The following CEACAM16 variants were observed in gnomAD, a reference collection of about 807,000 sequenced individuals.
CEACAM16 encodes CEA cell adhesion molecule 16, tectorial membrane component.
In CEACAM16, 30 loss-of-function variants were observed where a neutral mutation model predicts 39.4. That is an observed-to-expected ratio of 0.76 (90% CI 0.57 to 1.03). CEACAM16 has a LOEUF of 1.03. Ranked by LOEUF, CEACAM16 falls within the 50% of genes least tolerant of loss-of-function variation. CEACAM16 has a pLI of 0.00. For missense variants in CEACAM16, 521 were observed against 585.3 expected, an observed-to-expected ratio of 0.89 and a Z score of 1.13; for synonymous variants, 262 against 264.9, an observed-to-expected ratio of 0.99 and a Z score of 0.11.
rs545548495 is a variant in CEACAM16, at chr19:44,704,393, T to A, written c.661+97T>A. 53 of 1,385,482 alleles carry A rather than the reference T, an allele frequency of 3.8e-5. 1 individual carries two copies. In the East Asian group the frequency reaches 1.2e-3, roughly 31 times the overall value. The allele number at this position is 1,385,482 out of a possible 1,614,324, so 85.8% of individuals were successfully genotyped here. ...AGGGGGCCTAAGGGCACACAGCGAG[T>A]CAGCAGGCAAGCTGGGATTGGGGAC... On this transcript the variant is annotated intron_variant, in intron 4 of 6. Coordinates refer to ENST00000587331, the MANE Select transcript of CEACAM16 (RefSeq NM_001039213.4).
At chr19:44,709,930 C>G (rs1183704518) in intron 6 of CEACAM16, among the ~76,000 whole-genome samples, 16 of 152,252 alleles carry the variant, frequency 1.1e-4, no homozygotes, top group Non-Finnish European at 2.2e-4. Context: ...CTCCCAGAGT[C>G]AGGGTCCATG....
At position 44,705,735 on chromosome 19, in the gene CEACAM16, G is replaced by A; in HGVS notation, c.807G>A (p.Gln269=). The A allele has an allele frequency of 6.2e-7, 1 of 1,614,056 alleles. No homozygotes were observed. Among genetic ancestry groups the A allele is most frequent in the South Asian group, 1.1e-5 (1 of 91,090 alleles). ...AGTATGTGTGGACCTTCAACGGGCA[G>A]GCCCTAAAGAACGGCCAAGACCACC... ...EPEYVWTFNG[Q]ALKNGQDHLN... is the part of the protein sequence containing the mutation. Residue 269 remains glutamine, a synonymous_variant, in exon 5 of 7, where the codon CAG becomes CAA. Transcript: ENST00000587331.
At chr19:44,709,767 A>T (rs1375666139) in intron 6 of CEACAM16, among the ~76,000 whole-genome samples, 6 of 114,250 alleles carry the variant, frequency 5.3e-5, no homozygotes, top group African/African-American at 1.0e-4. Context: ...AGAGTCAGGG[A>T]CCATGTCTCC....
Position 44,703,709 on chromosome 19 carries a change from A to G in CEACAM16, c.382+16A>G. On this transcript the variant is annotated intron_variant, in intron 3 of 6. Transcript: ENST00000587331. ...CAGGTCCATGGTGAGACACCCCCCA[A>G]CACCCGCCTCTGCCCCAGCTGGGCC... The G allele has an allele frequency of 6.8e-7, 1 of 1,471,664 alleles. No individual in the cohort carries two copies. The highest frequency in any genetic ancestry group is 9.1e-7 in the Non-Finnish European group (1 of 1,102,854). The allele number at this position is 1,471,664 out of a possible 1,614,324, so 91.2% of individuals were successfully genotyped here.
At chr19:44,704,647 C>T (rs899145184) in intron 4 of CEACAM16, among the ~76,000 whole-genome samples, 1 of 152,056 alleles carries the variant, frequency 6.6e-6, no homozygotes, top group Non-Finnish European at 1.5e-5. Context: ...TGGGAGGATT[C>T]CTTGAGCCCC....
At position 44,705,627 on chromosome 19, in the gene CEACAM16, C is replaced by T. The variant is rs569597202; in HGVS notation, c.699C>T (p.Thr233=). 2.9e-5 allele frequency: 46 copies of T among 1,609,874 alleles called. 2 individuals are homozygous for T. The South Asian group carries it at 4.8e-4, about 17-fold the overall frequency. The part of the protein sequence containing the change: ...PERVAILQDS[T]TRTGCTIKVD... ...GTGTGGCCATCCTCCAGGATTCCAC[C>T]ACCCGCACAGGCTGCACCATCAAAG... Residue 233 remains threonine, a synonymous_variant, in exon 5 of 7, where the codon ACC becomes ACT. Coordinates refer to ENST00000587331, the MANE Select transcript of CEACAM16 (RefSeq NM_001039213.4).
At position 44,703,534 on chromosome 19, in the gene CEACAM16, G is replaced by A; in HGVS notation, c.223G>A (p.Glu75Lys). The change falls in exon 3 of 7, where the codon GAG (glutamate) becomes AAG (lysine). Residue 75 changes from glutamate (E) to lysine (K), a missense_variant. Physicochemically the swap from Glu to Lys is moderately conservative, Grantham distance 56 (BLOSUM62 1). Transcript: ENST00000587331. ...VASYIVSTGD[E>K]TPGPAHTGRE... Reference sequence around the variant, plus strand: ...CAGCTACATCGTGAGCACAGGCGATGAGACTCCTGGCCCGGCCCACACGGG... The same window carrying A: ...CAGCTACATCGTGAGCACAGGCGATAAGACTCCTGGCCCGGCCCACACGGG... The A allele has an allele frequency of 6.2e-7, 1 of 1,613,538 alleles. No individual in the cohort carries two copies. Among genetic ancestry groups the A allele is most frequent in the Middle Eastern group, 1.6e-4 (1 of 6,062 alleles).
chr19:44,704,968 T>C (rs767448005), intron 4 of CEACAM16, among the ~76,000 whole-genome samples: 2 of 152,090 alleles, frequency 1.3e-5, no homozygotes, highest in Admixed American at 6.6e-5. Context: ...CATGCAGTCG[T>C]TCCCAGGAGC....
At chr19:44,709,192 C>T (rs1308201391) in intron 6 of CEACAM16, among the ~76,000 whole-genome samples, 1 of 151,740 alleles carries the variant, frequency 6.6e-6, no homozygotes, top group Non-Finnish European at 1.5e-5. Flanking sequence ...ATGTCTCCTC[C>T]ATCAGACTGG....
At chr19:44,710,155 C>T (rs1010747110) in intron 6 of CEACAM16, among the ~76,000 whole-genome samples, 1 of 152,224 alleles carries the variant, frequency 6.6e-6, no homozygotes, top group Non-Finnish European at 1.5e-5. Flanking sequence ...ATCAAGGACT[C>T]AACCACTGCC....
At chr19:44,703,093 C>G (rs1974375488) in intron 2 of CEACAM16, among the ~76,000 whole-genome samples, 1 of 152,164 alleles carries the variant, frequency 6.6e-6, no homozygotes, top group South Asian at 2.1e-4. Context: ...ACCTGTCATC[C>G]CCATGTGAGA....
chr19:44,708,303 C>T (rs1268681912), intron 6 of CEACAM16, 116 bp downstream of exon 6: 9 of 1,087,652 alleles, frequency 8.3e-6, no homozygotes, highest in Non-Finnish European at 1.2e-5. Flanking sequence ...TACCCATCCC[C>T]CATCAGGCTG....
chr19:44,710,500 G>A lies in CEACAM16; in HGVS notation c.1272G>A (p.Leu424=), dbSNP rs1488833284. 1 of 1,613,654 alleles carries A rather than the reference G, an allele frequency of 6.2e-7. No individual in the cohort carries two copies. The stretch of plus-strand genomic sequence containing the variant: ...CTCGCCCCATATGCCCCACAGCCCT[G>A]GGGTAACAGCGTGACCCTGGAGACG... ...TLEVELQVAP[L]G The change falls in exon 7 of 7, where the codon CTG becomes CTA. Residue 424 remains leucine, a synonymous_variant. Transcript: ENST00000587331.
chr19:44,707,617 G>A (rs886945282), intron 5 of CEACAM16, among the ~76,000 whole-genome samples: 10 of 152,138 alleles, frequency 6.6e-5, no homozygotes, highest in African/African-American at 2.4e-4. Flanking sequence ...CCAGTTTGAT[G>A]GGAGAGACAC....
Position 44,710,558 on chromosome 19 carries a change from G to T in CEACAM16, c.*52G>T, listed in dbSNP as rs1245088267. 4 of 1,612,464 alleles carry T rather than the reference G, an allele frequency of 2.5e-6. No homozygotes were observed. Among genetic ancestry groups the T allele is most frequent in the Admixed American group, 3.3e-5 (2 of 60,002 alleles). ...AGAAGAGCTCTTCGCACCATCCTCT[G>T]GTCCTCGCCCTCTGAGTGGGAACCA... is the stretch of plus-strand genomic sequence containing the variant. On this transcript the variant is annotated 3_prime_UTR_variant, in exon 7 of 7. Coordinates refer to ENST00000587331, the MANE Select transcript of CEACAM16 (RefSeq NM_001039213.4).
At chr19:44,708,217 C>T in intron 6 of CEACAM16, 30 bp downstream of exon 6, 1 of 1,488,398 alleles carries the variant, frequency 6.7e-7, no homozygotes, top group Non-Finnish European at 9.0e-7. Flanking sequence ...CAAGGCGTGC[C>T]CCTTTTTAGA....
chr19:44,706,366 T>C (rs1463720799), intron 5 of CEACAM16, among the ~76,000 whole-genome samples: 1 of 151,876 alleles, frequency 6.6e-6, no homozygotes, highest in Non-Finnish European at 1.5e-5. Context: ...GGGGAGGCAT[T>C]GTCATCTTGC....
At chr19:44,708,574 G>T (rs62120569) in intron 6 of CEACAM16, among the ~76,000 whole-genome samples, 1,902 of 152,252 alleles carry the variant, frequency 0.012, 18 homozygotes, top group Middle Eastern at 0.02. Flanking sequence ...TCCATATTGG[G>T]GTAATGGGTT....
At chr19:44,709,997 G>A (rs1248185841) in intron 6 of CEACAM16, among the ~76,000 whole-genome samples, 1 of 152,034 alleles carries the variant, frequency 6.6e-6, no homozygotes, top group Non-Finnish European at 1.5e-5. Context: ...CTACAGCAGG[G>A]CCAGGTTTCC....
Sources: allele counts gnomAD v4.1 joint callset (sites outside exome capture counted in the v4.1 genomes callset), GRCh38; gene constraint gnomAD v4.1.1; transcripts MANE v1.5; gene names NCBI Gene and HGNC (gene_info 2026-07-23, HGNC 2026-07-21).